The following PVALB variants were observed in gnomAD, a reference collection of about 807,000 sequenced individuals.
The protein encoded by PVALB is parvalbumin.
A neutral mutation model predicts 10.9 loss-of-function variants in PVALB; 11 were observed. That is an observed-to-expected ratio of 1.01 (90% CI 0.63 to 1.67). The LOEUF (loss-of-function observed/expected upper bound fraction) is 1.67, where lower values mean the gene tolerates loss of function less well. Ranked by LOEUF, PVALB falls within the 40% of genes most tolerant of loss-of-function variation. The probability of loss-of-function intolerance (pLI) is 0.00; values close to 1 mark genes in which losing one functional copy is unlikely to be tolerated. For synonymous variants in PVALB, 57 were observed against 50.7 expected, an observed-to-expected ratio of 1.12 and a Z score of -0.53; for missense variants, 131 against 136.2, an observed-to-expected ratio of 0.96 and a Z score of 0.19.
chr22:36,817,127 G>A, upstream of PVALB: 3 of 914,554 alleles, frequency 3.3e-6, no homozygotes, highest in Non-Finnish European at 4.7e-6. Context: ...GCCGGGCCTG[G>A]CATGGCGCCA....
chr22:36,813,437 T>G, intron 3 of PVALB: 1 of 538,378 alleles, frequency 1.9e-6, no homozygotes, highest in Non-Finnish European at 3.3e-6. Context: ...TCCTTTTAGG[T>G]TTTCAAATTA....
chr22:36,813,719 G>T lies in PVALB; in HGVS notation c.231C>A (p.Asp77Glu), dbSNP rs1939084398. 6.2e-7 allele frequency: 1 copy of T among 1,614,082 alleles called. No homozygotes were observed. The change falls in exon 3 of 4, where the codon GAC (aspartate) becomes GAA (glutamate). Residue 77 changes from aspartate to glutamate, a missense_variant. By Grantham distance (45) the Asp-to-Glu change is conservative (BLOSUM62 2). Transcript: ENST00000417718. The stretch of plus-strand genomic sequence containing the variant: ...GCATCTTGGTTTCTTTAGCAGACAG[G>T]TCTCTGGCATCTGGGGAGAAGCCTT... ...ILKGFSPDARDLSAKETKMLM... is the reference protein window; with the variant it reads ...ILKGFSPDARELSAKETKMLM...
At chr22:36,814,710 G>A (rs1241147184) in intron 2 of PVALB, among the ~76,000 whole-genome samples, 6 of 152,192 alleles carry the variant, frequency 3.9e-5, no homozygotes, top group African/African-American at 1.4e-4. Flanking sequence ...GGGGCTGCAG[G>A]AAGGTGGAAA....
upstream of PVALB, among the ~76,000 whole-genome samples, chr22:36,817,847 T>G (rs1939171777): frequency 6.6e-6 from 1 of 152,136 alleles, no homozygotes; most frequent in South Asian, 2.1e-4. Flanking sequence ...AAACCTTTTT[T>G]GGGCAGAGTA....
At chr22:36,817,041 A>C, upstream of PVALB, 3 of 1,584,022 alleles carry the variant, frequency 1.9e-6, no homozygotes, top group Non-Finnish European at 2.6e-6. Flanking sequence ...CAAGTGCGAA[A>C]AGATTAAAAA....
chr22:36,811,275 CTAAATAAA>C (rs72164769), intron 3 of PVALB, among the ~76,000 whole-genome samples: 2,216 of 148,168 alleles, frequency 0.015, 55 homozygotes, highest in African/African-American at 0.05. Context: ...GAGACTGTCT[CTAAATAAA>C]TAAATAAATA....
At chr22:36,813,472 T>C in intron 3 of PVALB, 174 bp downstream of exon 3, 1 of 576,622 alleles carries the variant, frequency 1.7e-6, no homozygotes, top group Admixed American at 3.0e-5. Flanking sequence ...TTTTCCTTTG[T>C]CTGGAGTATG....
At chr22:36,817,624 AC>A (rs971412784), upstream of PVALB, 1 of 155,046 alleles carries the variant, frequency 6.4e-6, no homozygotes, top group African/African-American at 2.4e-5. Context: ...AGGGACAGGG[AC>A]AGGCAGGAGC....
chr22:36,816,909 G>A (rs574679242), intron 1 of PVALB, 36 bp downstream of exon 1: 5 of 1,566,142 alleles, frequency 3.2e-6, no homozygotes, highest in African/African-American at 2.7e-5. Flanking sequence ...CGGTGGACGA[G>A]GGGAGAGGGA....
intron 3 of PVALB, among the ~76,000 whole-genome samples, chr22:36,801,380 C>T (rs1938861940): frequency 2.6e-5 from 4 of 152,190 alleles, no homozygotes; most frequent in Non-Finnish European, 5.9e-5. Flanking sequence ...TGCTGTTTTT[C>T]TCCCCAGGAG....
At chr22:36,816,302 C>G (rs1310146968) in intron 1 of PVALB, 1 of 152,430 alleles carries the variant, frequency 6.6e-6, no homozygotes, top group East Asian at 1.9e-4. Context: ...GCTGAAGTCC[C>G]GGGCAGCTGG....
At chr22:36,807,947 G>T (rs1430155139) in intron 3 of PVALB, among the ~76,000 whole-genome samples, 1 of 152,206 alleles carries the variant, frequency 6.6e-6, no homozygotes, top group Non-Finnish European at 1.5e-5. Flanking sequence ...AGGCAATAAT[G>T]ATGACTACAT....
chr22:36,800,716 C>A lies in PVALB; in HGVS notation c.*174G>T. On this transcript the variant is annotated 3_prime_UTR_variant, in exon 4 of 4. Transcript: ENST00000417718. Reference sequence around the variant, plus strand: ...GCAAGCAGAGTCTGACTGGTACAACCTTTATTGCTTCTCCAGCATTTTCCA... The same window carrying A: ...GCAAGCAGAGTCTGACTGGTACAACATTTATTGCTTCTCCAGCATTTTCCA... 2 of 750,610 alleles carry A rather than the reference C, an allele frequency of 2.7e-6. No individual in the cohort carries two copies. Among genetic ancestry groups the A allele is most frequent in the Non-Finnish European group, 4.6e-6 (2 of 435,896 alleles). The allele number at this position is 750,610 out of a possible 1,614,324, so 46.5% of individuals were successfully genotyped here. A position where few individuals can be genotyped will look rare whatever the true frequency, so the allele number is the denominator to read the frequency against.
At chr22:36,815,356 G>T in intron 1 of PVALB, 121 bp from the exon 2 acceptor site, 1 of 1,351,156 alleles carries the variant, frequency 7.4e-7, no homozygotes, top group Non-Finnish European at 1.0e-6. Flanking sequence ...GGGAATGAGA[G>T]GTACCCACCT....
intron 3 of PVALB, among the ~76,000 whole-genome samples, chr22:36,807,360 G>T (rs1938967445): frequency 6.6e-6 from 1 of 152,178 alleles, no homozygotes; most frequent in Non-Finnish European, 1.5e-5. Flanking sequence ...GCACCTTAGG[G>T]CTCTGCCCTC....
chr22:36,814,268 AGTGTGTGTGTGTGTGTGT>A (rs36215449), intron 2 of PVALB, among the ~76,000 whole-genome samples: 19 of 148,150 alleles, frequency 1.3e-4, no homozygotes, highest in African/African-American at 4.8e-4. Flanking sequence ...AGCCTCTGTG[AGTGTGTGTGTGTGTGTGT>A]GTGTGTGTGT....
intron 3 of PVALB, among the ~76,000 whole-genome samples, chr22:36,807,230 T>A (rs1246716414): frequency 6.6e-6 from 1 of 152,190 alleles, no homozygotes; most frequent in Non-Finnish European, 1.5e-5. Context: ...GACTTCTATG[T>A]GACTTTGGCA....
At chr22:36,803,864 T>C (rs980932959) in intron 3 of PVALB, among the ~76,000 whole-genome samples, 1 of 152,070 alleles carries the variant, frequency 6.6e-6, no homozygotes, top group African/African-American at 2.4e-5. Flanking sequence ...GGTGTCAGGG[T>C]CATGTGGAAA....
At chr22:36,807,999 G>A (rs900341856) in intron 3 of PVALB, among the ~76,000 whole-genome samples, 27 of 152,228 alleles carry the variant, frequency 1.8e-4, no homozygotes, top group African/African-American at 6.5e-4. Flanking sequence ...AAACTCTTGA[G>A]TTGAGACACA....
Sources: allele counts gnomAD v4.1 joint callset (sites outside exome capture counted in the v4.1 genomes callset), GRCh38; gene constraint gnomAD v4.1.1; transcripts MANE v1.5; gene names NCBI Gene and HGNC (gene_info 2026-07-23, HGNC 2026-07-21).